ARHGAP22: variants seen among roughly 807,000 people sequenced by gnomAD.
ARHGAP22 encodes rho GTPase-activating protein 22.
ARHGAP22 carries 48 observed loss-of-function variants against 59.1 expected under a neutral mutation model. That is an observed-to-expected ratio of 0.81 (90% confidence interval 0.64 to 1.03). The LOEUF is 1.03. Ranked by LOEUF, ARHGAP22 falls within the 50% of genes least tolerant of loss-of-function variation. ARHGAP22 has a pLI of 0.00. For missense variants in ARHGAP22, 1,015 were observed against 958.7 expected (o/e 1.06, Z -0.78); for synonymous variants, 445 against 416.4 (o/e 1.07, Z -0.84).
chr10:48,485,455 T>C (rs1190263141), intron 3 of ARHGAP22, among the ~76,000 whole-genome samples: 1 of 152,242 alleles, frequency 6.6e-6, no homozygotes, highest in Non-Finnish European at 1.5e-5. Context: ...CTAAGTGCAC[T>C]GAGAAAAATT....
At chr10:48,554,560 T>C (rs928611741) in intron 3 of ARHGAP22, among the ~76,000 whole-genome samples, 1 of 152,158 alleles carries the variant, frequency 6.6e-6, no homozygotes, top group African/African-American at 2.4e-5. Context: ...TCCTCAAGCA[T>C]CTGCAACTGT....
chr10:48,622,296 A>G (rs2061312115), intron 1 of ARHGAP22, among the ~76,000 whole-genome samples: 1 of 150,662 alleles, frequency 6.6e-6, no homozygotes, highest in South Asian at 2.1e-4. Context: ...CTTTTACTGT[A>G]TATTTTTGGG....
chr10:48,605,466 A>G (rs996000424), upstream of ARHGAP22, among the ~76,000 whole-genome samples: 7 of 152,162 alleles, frequency 4.6e-5, no homozygotes, highest in African/African-American at 1.7e-4. Flanking sequence ...CCCAACAGGA[A>G]GATGCCTGTT....
At chr10:48,431,055 G>C in the ARHGAP22 span, 1 of 660,676 alleles carries the variant, frequency 1.5e-6, no homozygotes, top group South Asian at 1.8e-5. Flanking sequence ...ATCTTAGGCC[G>C]ACATTTAACT....
At chr10:48,642,840 C>G (rs551480086) in intron 1 of ARHGAP22, among the ~76,000 whole-genome samples, 1 of 152,300 alleles carries the variant, frequency 6.6e-6, no homozygotes, top group South Asian at 2.1e-4. Flanking sequence ...ATCTACTCAT[C>G]TGACAAAGGG....
At chr10:48,528,863 C>G (rs2054571068) in intron 3 of ARHGAP22, among the ~76,000 whole-genome samples, 1 of 152,080 alleles carries the variant, frequency 6.6e-6, no homozygotes, top group Non-Finnish European at 1.5e-5. Context: ...ACATATGCTC[C>G]CATTTGCCTT....
At chr10:48,650,000 G>C (rs2062484593) in intron 1 of ARHGAP22, among the ~76,000 whole-genome samples, 1 of 147,036 alleles carries the variant, frequency 6.8e-6, no homozygotes, top group Non-Finnish European at 1.5e-5. Context: ...GGGAGGGAGG[G>C]AGAGAGAGAG....
intron 2 of ARHGAP22, among the ~76,000 whole-genome samples, chr10:48,565,508 G>A (rs1027724678): frequency 6.6e-6 from 1 of 152,150 alleles, no homozygotes; most frequent in African/African-American, 2.4e-5. Context: ...CTATTGCTGT[G>A]ATCATGCATT....
chr10:48,527,515 C>T (rs577412953), intron 3 of ARHGAP22, among the ~76,000 whole-genome samples: 8 of 150,220 alleles, frequency 5.3e-5, no homozygotes, highest in Non-Finnish European at 8.9e-5. Context: ...GTGGATAGGT[C>T]AACAGAATGA....
chr10:48,459,936 A>T, intron 4 of ARHGAP22, 45 bp from the exon 5 acceptor site: 1 of 1,572,042 alleles, frequency 6.4e-7, no homozygotes, highest in Non-Finnish European at 8.7e-7. Flanking sequence ...CACCCAGCTC[A>T]GTGTTGGGTG....
chr10:48,432,033 C>G, the ARHGAP22 span, among the ~76,000 whole-genome samples: 2 of 152,146 alleles, frequency 1.3e-5, no homozygotes, highest in Non-Finnish European at 2.9e-5. Flanking sequence ...TGAACTAATA[C>G]AGTAACTTCA....
chr10:48,544,693 C>A (rs571554729), intron 3 of ARHGAP22, among the ~76,000 whole-genome samples: 2 of 152,122 alleles, frequency 1.3e-5, no homozygotes, highest in African/African-American at 2.4e-5. Context: ...ATCTAAATGC[C>A]GATCAAAGAT....
In ARHGAP22 at chr10:48,642,716, A is replaced by C. The variant is rs1392088838; in HGVS notation, c.52+9518T>G. 2.0e-5 allele frequency among the ~76,000 whole-genome samples: 3 copies of C among 152,356 alleles called. No individual in the cohort carries two copies. In the East Asian group the frequency reaches 5.8e-4, roughly 29 times the overall value. ...GTCTAAAACACCAAAAGCAATGGCA[A>C]CAAAAGCCAAAATTGACAAATGGGA... On this transcript the variant is annotated intron_variant, in intron 1 of 9. Coordinates refer to the ARHGAP22 transcript ENST00000435790.
At position 48,553,625 on chromosome 10, in the gene ARHGAP22, T is replaced by C. The variant is rs1314414316; in HGVS notation, c.322+1838A>G. ...TATCTTAGAGGGATGTTGGGAGTATTGTGGGAGGCAGAATAATGGTCCTCA... is the reference window on the plus strand; with the variant it reads ...TATCTTAGAGGGATGTTGGGAGTATCGTGGGAGGCAGAATAATGGTCCTCA... On this transcript the variant is annotated intron_variant, in intron 3 of 9. Transcript: ENST00000249601. Among the ~76,000 whole-genome samples, 3 of 152,146 alleles carry C rather than the reference T, an allele frequency of 2.0e-5. No homozygotes were observed. The East Asian group carries it at 5.8e-4, about 29-fold the overall frequency.
At chr10:48,613,601 A>T (rs559974699) in intron 1 of ARHGAP22, among the ~76,000 whole-genome samples, 1 of 152,206 alleles carries the variant, frequency 6.6e-6, no homozygotes, top group South Asian at 2.1e-4. Flanking sequence ...AGAGAATTGG[A>T]TGTAAGACTA....
chr10:48,655,884 G>A (rs1565072167), upstream of ARHGAP22: 1 of 152,654 alleles, frequency 6.6e-6, no homozygotes. Flanking sequence ...TCCAGTCACA[G>A]GGTTCACCAG....
chr10:48,655,022 C>G (rs534669651), upstream of ARHGAP22, among the ~76,000 whole-genome samples: 4 of 62,222 alleles, frequency 6.4e-5, no homozygotes, highest in East Asian at 1.5e-3. Flanking sequence ...TTCTTTCTTT[C>G]TTTCTTTCAT....
chr10:48,615,145 AC>A (rs1262917614), intron 1 of ARHGAP22, among the ~76,000 whole-genome samples: 3 of 152,192 alleles, frequency 2.0e-5, no homozygotes, highest in Admixed American at 6.5e-5. Flanking sequence ...ATCAGGAAAG[AC>A]CCAAAAAGAC....
chr10:48,480,423 G>A (rs549166676), intron 3 of ARHGAP22, among the ~76,000 whole-genome samples: 87 of 152,282 alleles, frequency 5.7e-4, no homozygotes, highest in Non-Finnish European at 8.5e-4. Flanking sequence ...TGATCTTTGG[G>A]AAATACAAAA....
Sources: gnomAD v4.1 joint callset for allele counts (sites outside exome capture counted in the v4.1 genomes callset) on GRCh38, gnomAD v4.1.1 for gene constraint, MANE v1.5 for transcripts, NCBI Gene and HGNC (gene_info 2026-07-23, HGNC 2026-07-21) for gene names.